The following ABCB9 variants were observed in gnomAD, a reference collection of about 807,000 sequenced individuals.
ABCB9 encodes ATP binding cassette subfamily B member 9.
ABCB9 carries 36 observed loss-of-function variants against 62.0 expected under a neutral mutation model. That is an observed-to-expected ratio of 0.58 (90% CI 0.45 to 0.77). ABCB9 has a LOEUF of 0.77. ABCB9 is among the 30% of genes least tolerant of loss of function. The probability of loss-of-function intolerance (pLI) is 0.00; values close to 1 mark genes in which losing one functional copy is unlikely to be tolerated. For missense variants in ABCB9, 943 were observed against 1,054.7 expected, an observed-to-expected ratio of 0.89 and a Z score of 1.47; for synonymous variants, 435 against 461.4, an observed-to-expected ratio of 0.94 and a Z score of 0.73.
chr12:122,929,899 A>C lies in ABCB9; in HGVS notation c.*12T>G, dbSNP rs772481128. 19 of 1,520,910 alleles carry C rather than the reference A, an allele frequency of 1.2e-5. No homozygotes were observed. The highest frequency in any genetic ancestry group is 1.6e-5 in the Non-Finnish European group (18 of 1,133,400). The allele number at this position is 1,520,910 out of a possible 1,614,324, so 94.2% of individuals were successfully genotyped here. Reference sequence around the variant, plus strand: ...GGTCCTCTGCCCCACCGGGAGAAGCAGGGGCCCCCCATCAGGCCTTGTGAC... The same window carrying C: ...GGTCCTCTGCCCCACCGGGAGAAGCCGGGGCCCCCCATCAGGCCTTGTGAC... On this transcript the variant is annotated 3_prime_UTR_variant, in exon 12 of 12. Coordinates refer to ENST00000280560, the MANE Select transcript of ABCB9 (RefSeq NM_019625.4). This position sits in a 1 kb window ranked among gnomAD's most constrained non-coding sequence, Gnocchi z 6.0.
upstream of ABCB9, among the ~76,000 whole-genome samples, chr12:122,968,072 G>GA (rs58427259): frequency 0.028 from 3,724 of 132,230 alleles, 67 homozygotes; most frequent in Non-Finnish European, 0.04. Flanking sequence ...TCTGTAGCCA[G>GA]AAAAAAAAAA....
intron 2 of ABCB9, among the ~76,000 whole-genome samples, chr12:122,955,103 C>G (rs780318490): frequency 6.6e-6 from 1 of 152,156 alleles, no homozygotes; most frequent in Non-Finnish European, 1.5e-5. Flanking sequence ...GGCCCTAACA[C>G]TGATTAAGTA....
At chr12:122,942,823 A>G (rs1447457559) in intron 7 of ABCB9, among the ~76,000 whole-genome samples, 1 of 152,048 alleles carries the variant, frequency 6.6e-6, no homozygotes, top group Admixed American at 6.6e-5. Context: ...ATAATAAATA[A>G]ACAACACTGC....
chr12:122,949,088 G>A (rs534590946), intron 4 of ABCB9: 14 of 330,352 alleles, frequency 4.2e-5, no homozygotes, highest in East Asian at 1.0e-4. Flanking sequence ...GAAGGCCCCC[G>A]TAGAGTCACA....
At chr12:122,950,887 C>G (rs550967397) in intron 2 of ABCB9, 21 of 266,774 alleles carry the variant, frequency 7.9e-5, no homozygotes, top group African/African-American at 4.1e-4. Flanking sequence ...CTGTGTCCCC[C>G]GGGCTGGAGT....
At chr12:122,918,710 G>A (rs1264157192), downstream of ABCB9, among the ~76,000 whole-genome samples, 3 of 152,024 alleles carry the variant, frequency 2.0e-5, no homozygotes, top group African/African-American at 4.8e-5. Context: ...CTCCCACTTC[G>A]GCCTCCTAAA....
downstream of ABCB9, among the ~76,000 whole-genome samples, chr12:122,928,588 G>A (rs2034974431): frequency 6.6e-6 from 1 of 152,056 alleles, no homozygotes; most frequent in African/African-American, 2.4e-5. Context: ...GTCTTCCTGT[G>A]TCCGGGCCCA....
At chr12:122,938,136 T>C (rs1205963479) in intron 9 of ABCB9, among the ~76,000 whole-genome samples, 2 of 152,248 alleles carry the variant, frequency 1.3e-5, no homozygotes, top group Non-Finnish European at 2.9e-5. Context: ...CTTAGGATTA[T>C]ACCTTGGGAG....
upstream of ABCB9, among the ~76,000 whole-genome samples, chr12:122,966,792 T>G (rs1420322148): frequency 6.6e-6 from 1 of 152,214 alleles, no homozygotes; most frequent in Non-Finnish European, 1.5e-5. Context: ...TGGTTTCACC[T>G]GAAGGAGGCC....
At chr12:122,961,789 G>A (rs1447480132) in intron 1 of ABCB9, among the ~76,000 whole-genome samples, 1 of 152,222 alleles carries the variant, frequency 6.6e-6, no homozygotes, top group Non-Finnish European at 1.5e-5. Context: ...TCATTTCTCT[G>A]AACCTGTTTC....
At chr12:122,967,296 G>C (rs758045397), upstream of ABCB9, among the ~76,000 whole-genome samples, 1 of 152,186 alleles carries the variant, frequency 6.6e-6, no homozygotes, top group Non-Finnish European at 1.5e-5. Flanking sequence ...AGGTGAGAAG[G>C]CGTGAGCCAC....
At chr12:122,973,603 A>AAAAAAAAAAAAC (rs2037320043) in intron 1 of ABCB9, among the ~76,000 whole-genome samples, 1 of 143,284 alleles carries the variant, frequency 7.0e-6, no homozygotes, top group Non-Finnish European at 1.5e-5. Flanking sequence ...AAAAAAAAAA[A>AAAAAAAAAAAAC]AAAAAACAAA....
Position 122,944,400 on chromosome 12 carries a change from A to G in ABCB9, c.1371T>C (p.Asp457=), listed in dbSNP as rs148129698. ...CACACTGGCCTCTCACCTCCATACAATCTCCCAGGACAAACTCGTAGATGA... is the reference window on the plus strand; with the variant it reads ...CACACTGGCCTCTCACCTCCATACAGTCTCCCAGGACAAACTCGTAGATGA... ...AFIIYEFVLG[D]CMESVGSVYS... The change falls in exon 7 of 12, where the codon GAT becomes GAC. Residue 457 remains aspartate (D), a synonymous_variant. Coordinates refer to ENST00000280560, the MANE Select transcript of ABCB9 (RefSeq NM_019625.4). This position sits in a 1 kb window ranked among gnomAD's most constrained non-coding sequence, Gnocchi z 4.9. The G allele has an allele frequency of 1.2e-4, 187 of 1,612,632 alleles. No individual in the cohort carries two copies. Among genetic ancestry groups the G allele is most frequent in the Non-Finnish European group, 1.5e-4 (174 of 1,179,300 alleles).
At chr12:122,921,854 C>A (rs573418865) in intron 11 of ABCB9, among the ~76,000 whole-genome samples, 19 of 152,226 alleles carry the variant, frequency 1.2e-4, no homozygotes, top group African/African-American at 4.3e-4. Flanking sequence ...AAAAATTGTC[C>A]GTATTATTAT....
intron 2 of ABCB9, among the ~76,000 whole-genome samples, chr12:122,953,263 AG>A (rs2036455145): frequency 4.7e-5 from 7 of 150,364 alleles, no homozygotes; most frequent in African/African-American, 1.7e-4. Flanking sequence ...CCCAGGCTGG[AG>A]TGCAGTGGCA....
intron 9 of ABCB9, among the ~76,000 whole-genome samples, 162 bp from the exon 10 acceptor site, chr12:122,935,593 G>C (rs370354968): frequency 4.9e-4 from 74 of 152,246 alleles, no homozygotes; most frequent in African/African-American, 1.7e-3. Context: ...TTCCCCAACA[G>C]TGACTCCCGC....
In ABCB9 at chr12:122,946,286, C is replaced by T. The variant is rs537768984; in HGVS notation, c.1054-64G>A. On this transcript the variant is annotated intron_variant, in intron 5 of 11. Transcript: ENST00000280560. ...AACAGCCTCACTATGTACTGGAGCC[C>T]CCAGGCCTCTCTGGGTTTTTCCACC... 92 of 1,569,266 alleles carry T rather than the reference C, an allele frequency of 5.9e-5. No homozygotes were observed. In the South Asian group the frequency reaches 1.0e-3, roughly 17 times the overall value.
chr12:122,967,411 C>A (rs1215933864), upstream of ABCB9, among the ~76,000 whole-genome samples: 1 of 152,192 alleles, frequency 6.6e-6, no homozygotes, highest in African/African-American at 2.4e-5. Context: ...GTGGCCTGAA[C>A]CGTGGGAAGT....
intron 2 of ABCB9, among the ~76,000 whole-genome samples, chr12:122,957,426 A>G (rs1419298694): frequency 1.3e-5 from 2 of 152,158 alleles, no homozygotes; most frequent in Non-Finnish European, 2.9e-5. Context: ...TGAGGCTCAG[A>G]AAGGCTGGAG....
Sources: allele counts gnomAD v4.1 joint callset (sites outside exome capture counted in the v4.1 genomes callset), GRCh38; gene constraint gnomAD v4.1.1; non-coding constraint Gnocchi (gnomAD v3.1); transcripts MANE v1.5; gene names NCBI Gene and HGNC (gene_info 2026-07-23, HGNC 2026-07-21).